The following CPNE4 variants were observed in gnomAD, a reference collection of about 807,000 sequenced individuals.
The protein encoded by CPNE4 is copine 4.
A neutral mutation model predicts 67.9 loss-of-function variants in CPNE4; 25 were observed. The observed-to-expected ratio is 0.37, with a 90% confidence interval of 0.27 to 0.51. The LOEUF is 0.51. Ranked by LOEUF, CPNE4 falls within the 20% of genes least tolerant of loss-of-function variation. The pLI is 0.93. For missense variants in CPNE4, 464 were observed against 690.8 expected (o/e 0.67, Z 3.68); for synonymous variants, 242 against 244.9 (o/e 0.99, Z 0.11).
chr3:132,036,436 G>A (rs2074340557), upstream of CPNE4, among the ~76,000 whole-genome samples: 2 of 152,218 alleles, frequency 1.3e-5, no homozygotes, highest in South Asian at 4.1e-4. Context: ...GAGACACAGG[G>A]ACAATTCTCC....
At chr3:131,843,966 G>T (rs1049346405) in intron 2 of CPNE4, among the ~76,000 whole-genome samples, 4 of 152,156 alleles carry the variant, frequency 2.6e-5, no homozygotes, top group Non-Finnish European at 5.9e-5. Context: ...ACAACCAAAT[G>T]TCCCTTGGAT....
intron 2 of CPNE4, among the ~76,000 whole-genome samples, chr3:131,774,547 C>T (rs1226435051): frequency 6.6e-6 from 1 of 152,062 alleles, no homozygotes; most frequent in Non-Finnish European, 1.5e-5. Flanking sequence ...CTGTTACTTG[C>T]AATCAAAAGC....
chr3:131,681,517 C>T (rs188042232), intron 6 of CPNE4, among the ~76,000 whole-genome samples: 20 of 152,188 alleles, frequency 1.3e-4, no homozygotes, highest in Admixed American at 3.9e-4. Flanking sequence ...CTGTATTGTA[C>T]GTAATTTGTT....
chr3:131,953,239 T>TAAAAAAAAAAAA (rs1167094357), intron 1 of CPNE4, among the ~76,000 whole-genome samples: 15 of 97,112 alleles, frequency 1.5e-4, no homozygotes, highest in Admixed American at 5.0e-4. Flanking sequence ...AATGATCAAT[T>TAAAAAAAAAAAA]AAAAAAAAAA....
At chr3:131,895,630 T>C (rs9874405) in intron 2 of CPNE4, among the ~76,000 whole-genome samples, 43,781 of 151,924 alleles carry the variant, frequency 0.29, 7,384 homozygotes, top group Non-Finnish European at 0.37. Flanking sequence ...AGTTAATCCA[T>C]TTGAAAAGAA....
intron 7 of CPNE4, among the ~76,000 whole-genome samples, chr3:131,648,978 C>T (rs987648509): frequency 2.0e-5 from 3 of 152,142 alleles, no homozygotes; most frequent in Admixed American, 6.5e-5. Flanking sequence ...GCAAGGCAAG[C>T]ATGGAAACCA....
intron 10 of CPNE4, among the ~76,000 whole-genome samples, chr3:131,564,754 TC>T (rs1936969413): frequency 6.6e-6 from 1 of 151,980 alleles, no homozygotes; most frequent in South Asian, 2.1e-4. Context: ...ATAGGTAAGA[TC>T]CCTTAAAACC....
At chr3:131,735,713 A>G (rs751337090) in intron 2 of CPNE4, among the ~76,000 whole-genome samples, 1 of 152,264 alleles carries the variant, frequency 6.6e-6, no homozygotes, top group Non-Finnish European at 1.5e-5. Flanking sequence ...CAAAGAAGTT[A>G]AAATACAAGT....
intron 8 of CPNE4, among the ~76,000 whole-genome samples, chr3:131,587,070 A>T (rs58751114): frequency 0.026 from 4,008 of 152,274 alleles, 90 homozygotes; most frequent in African/African-American, 0.067. Flanking sequence ...AATGCTAGCT[A>T]TGTGCTAGGC....
At position 131,955,952 on chromosome 3, in the gene CPNE4, A is replaced by G. The variant is rs146955505; in HGVS notation, c.-1-50508T>C. On this transcript the variant is annotated intron_variant, in intron 1 of 15. Transcript: ENST00000429747. Reference sequence around the variant, plus strand: ...GCCTAGGATACTCAGGCTAAAATCCATTATACCTAGTAGGACAATGTTAAT... The same window carrying G: ...GCCTAGGATACTCAGGCTAAAATCCGTTATACCTAGTAGGACAATGTTAAT... Among the ~76,000 whole-genome samples the G allele has an allele frequency of 1.4e-4, 21 of 152,320 alleles. No individual in the cohort carries two copies. The East Asian group carries it at 3.9e-3, about 28-fold the overall frequency.
At chr3:131,625,609 C>T (rs2079054358) in intron 7 of CPNE4, among the ~76,000 whole-genome samples, 2 of 152,178 alleles carry the variant, frequency 1.3e-5, no homozygotes, top group South Asian at 2.1e-4. Context: ...AAAGCTGGTA[C>T]AGTAGTGCCC....
intron 10 of CPNE4, among the ~76,000 whole-genome samples, chr3:131,568,662 A>T (rs957731055): frequency 1.3e-5 from 2 of 148,522 alleles, no homozygotes; most frequent in African/African-American, 5.2e-5. Flanking sequence ...CAAACCTTGT[A>T]AAGTAAGAAT....
chr3:131,827,869 C>A (rs748159809), intron 2 of CPNE4, among the ~76,000 whole-genome samples: 1 of 151,912 alleles, frequency 6.6e-6, no homozygotes, highest in Non-Finnish European at 1.5e-5. Flanking sequence ...CAGTCTGGTA[C>A]CTTGTATGAT....
intron 11 of CPNE4, among the ~76,000 whole-genome samples, chr3:131,562,704 C>T (rs929895845): frequency 6.6e-6 from 1 of 151,852 alleles, no homozygotes; most frequent in African/African-American, 2.4e-5. Flanking sequence ...ATGCAATTGG[C>T]CAGTCTTTTC....
At chr3:131,729,834 T>C (rs2082086930) in intron 2 of CPNE4, among the ~76,000 whole-genome samples, 2 of 152,184 alleles carry the variant, frequency 1.3e-5, no homozygotes, top group East Asian at 1.9e-4. Context: ...AATGCCTGAG[T>C]ATTTGACAGC....
At chr3:131,729,779 C>T (rs2082085454) in intron 2 of CPNE4, among the ~76,000 whole-genome samples, 1 of 152,202 alleles carries the variant, frequency 6.6e-6, no homozygotes, top group South Asian at 2.1e-4. Context: ...GCTGATCTGC[C>T]ACATGGACCA....
chr3:131,598,590 G>A (rs1003980661), intron 7 of CPNE4, among the ~76,000 whole-genome samples: 1 of 152,118 alleles, frequency 6.6e-6, no homozygotes, highest in African/African-American at 2.4e-5. Flanking sequence ...AACTGAAGGT[G>A]ATTTATTCCA....
chr3:131,609,503 G>A (rs2107738270), intron 7 of CPNE4, among the ~76,000 whole-genome samples: 1 of 152,284 alleles, frequency 6.6e-6, no homozygotes, highest in African/African-American at 2.4e-5. Context: ...AAGGTGGGAT[G>A]ATAAAGACAC....
intron 1 of CPNE4, among the ~76,000 whole-genome samples, chr3:131,928,180 T>C (rs1162310212): frequency 6.6e-6 from 1 of 152,154 alleles, no homozygotes; most frequent in Non-Finnish European, 1.5e-5. Context: ...TTAAGCAAAA[T>C]GTGTAAACAT....
Sources: allele counts gnomAD v4.1 joint callset (sites outside exome capture counted in the v4.1 genomes callset), GRCh38; gene constraint gnomAD v4.1.1; transcripts MANE v1.5; gene names NCBI Gene and HGNC (gene_info 2026-07-23, HGNC 2026-07-21).